The following RNF213 variants were observed in gnomAD, a reference collection of about 807,000 sequenced individuals.
RNF213 encodes ring finger protein 213, also known as E3 ubiquitin-protein ligase RNF213.
In RNF213, 341 loss-of-function variants were observed where a neutral mutation model predicts 514.4. The ratio of observed to expected loss-of-function variants is 0.66; its 90% CI spans 0.61 to 0.73. The LOEUF is 0.73. RNF213 is among the 30% of genes least tolerant of loss of function. RNF213 has a pLI of 0.00. For synonymous variants in RNF213, 2,655 were observed against 2,658.2 expected (o/e 1.00, Z 0.04); for missense variants, 5,767 against 6,615.6 (o/e 0.87, Z 4.45).
At chr17:80,363,941 C>T (rs1304547752) in intron 41 of RNF213, 151 bp downstream of exon 41, 1 of 804,824 alleles carries the variant, frequency 1.2e-6, no homozygotes, top group South Asian at 1.5e-5. Flanking sequence ...TTTGCCGAAC[C>T]CTTAGTGAGT....
At chr17:80,378,252 G>A (rs1257141676) in intron 54 of RNF213, among the ~76,000 whole-genome samples, 1 of 152,200 alleles carries the variant, frequency 6.6e-6, no homozygotes, top group Non-Finnish European at 1.5e-5. Context: ...CTGGACCACA[G>A]GCTGCATTAT....
In RNF213 at chr17:80,276,730, G is replaced by A. The variant is rs116122447; in HGVS notation, c.261+3326G>A. Among the ~76,000 whole-genome samples the A allele has an allele frequency of 4.5e-3, 688 of 152,226 alleles. 8 individuals carry two copies. Among genetic ancestry groups the A allele is most frequent in the African/African-American group, 0.016 (662 of 41,530 alleles). On this transcript the variant is annotated intron_variant, in intron 3 of 67. Coordinates refer to ENST00000582970, the MANE Select transcript of RNF213 (RefSeq NM_001256071.3). ...AAACGCTGCAGCCGTTAAGGAAGCA[G>A]CAAGGCAGTTGATCCAAAAGTTACG...
At chr17:80,328,049 G>A (rs1383995314) in intron 19 of RNF213, 60 bp downstream of exon 19, 50 of 1,519,474 alleles carry the variant, frequency 3.3e-5, no homozygotes, top group Non-Finnish European at 4.4e-5. Context: ...TGGAAGACAC[G>A]TTTGTGTTTG....
chr17:80,319,523 C>T lies in RNF213; in HGVS notation c.3024+211C>T, dbSNP rs775587724. On this transcript the variant is annotated intron_variant, in intron 17 of 67. Transcript: ENST00000582970. ...AGTGTGCTGCACAGTCCCTGCTGCT[C>T]GCACCATCCTGCATGTGTTCCATAT... 3.7e-5 allele frequency: 60 copies of T among 1,612,908 alleles called. 1 individual carries two copies. In the South Asian group the frequency reaches 5.3e-4, roughly 14 times the overall value.
chr17:80,328,472 T>C lies in RNF213; in HGVS notation c.3512T>C (p.Ile1171Thr). Residue 1171 changes from isoleucine (I) to threonine (T), a missense_variant, in exon 20 of 68, where the codon ATA becomes ACA. Ile to Thr is a moderately conservative substitution (Grantham distance 89, BLOSUM62 -1). Transcript: ENST00000582970. ...ATGTGTGGGAACGTGAAACATCTGA[T>C]ACAAGGTGGTATTCCTGAGAAGTGA... is the stretch of plus-strand genomic sequence containing the variant. ...LKMCGNVKHL[I>T]QVDFGVLAVR... 1 of 1,537,266 alleles carries C rather than the reference T, an allele frequency of 6.5e-7. No individual in the cohort carries two copies. The highest frequency in any genetic ancestry group is 8.7e-7 in the Non-Finnish European group (1 of 1,146,902).
chr17:80,261,182 C>G (rs1182691770), intron 1 of RNF213, among the ~76,000 whole-genome samples: 1 of 152,044 alleles, frequency 6.6e-6, no homozygotes, highest in East Asian at 1.9e-4. Flanking sequence ...GCGCAGAGCG[C>G]GGAGGAGGCT....
rs527457046 is a variant in RNF213 at position 80,381,878 on chromosome 17, C to T, written c.13978+151C>T. The T allele has an allele frequency of 1.9e-5, 15 of 802,888 alleles. No individual in the cohort carries two copies. The East Asian group carries it at 3.8e-4, about 20-fold the overall frequency. 49.7% of individuals were successfully genotyped at this position (802,888 alleles called of 1,614,324 possible). A position where few individuals can be genotyped will look rare whatever the true frequency, so the allele number is the denominator to read the frequency against. On this transcript the variant is annotated intron_variant, in intron 57 of 67. Coordinates refer to ENST00000582970, the MANE Select transcript of RNF213 (RefSeq NM_001256071.3). ...AATGAGAGAACACACAGAGAGAAAA[C>T]CGTGTCTAGGGAAGGCGATGCCTGG...
At position 80,386,408 on chromosome 17, in the gene RNF213, A is replaced by G. The variant is rs1380498733; in HGVS notation, c.14698A>G (p.Lys4900Glu). Residue 4900 changes from lysine (K) to glutamate (E), a missense_variant, in exon 62 of 68, where the codon AAA becomes GAA. Physicochemically the swap from Lys to Glu is moderately conservative, Grantham distance 56. Coordinates refer to ENST00000582970, the MANE Select transcript of RNF213 (RefSeq NM_001256071.3). ...LHNEIVYAVE[K>E]LSKENNSYSV... is the part of the protein sequence containing the mutation. ...CAATGAAATTGTCTACGCCGTGGAA[A>G]AACTCTCCAAGGAAAACAACAGGTT... The G allele has an allele frequency of 1.2e-6, 2 of 1,614,142 alleles. No homozygotes were observed. Among genetic ancestry groups the G allele is most frequent in the East Asian group, 2.2e-5 (1 of 44,872 alleles).
chr17:80,393,052 G>A (rs1251089028), intron 67 of RNF213, among the ~76,000 whole-genome samples: 2 of 151,880 alleles, frequency 1.3e-5, no homozygotes, highest in African/African-American at 4.8e-5. Flanking sequence ...ATCTCAGCTC[G>A]CTGTAGCCTC....
chr17:80,348,918 T>C (rs943438115), intron 29 of RNF213, among the ~76,000 whole-genome samples: 1 of 152,096 alleles, frequency 6.6e-6, no homozygotes, highest in Non-Finnish European at 1.5e-5. Flanking sequence ...CTCAGCCCTA[T>C]GGAGCGGGCA....
Position 80,353,201 on chromosome 17 carries a change from C to T in RNF213, c.10423+142C>T. The T allele has an allele frequency of 8.6e-7, 1 of 1,166,810 alleles. No homozygotes were observed. The highest frequency in any genetic ancestry group is 1.3e-5 in the South Asian group (1 of 75,214). 72.3% of individuals were successfully genotyped at this position (1,166,810 alleles called of 1,614,324 possible). A position where few individuals can be genotyped will look rare whatever the true frequency, so the allele number is the denominator to read the frequency against. ...GGAGCTCGGGGACACATCTGCAGAA[C>T]TGACTGGTGGCTCATCATAGAGCAC... On this transcript the variant is annotated intron_variant, in intron 33 of 67. Transcript: ENST00000582970. This position sits in a 1 kb window ranked among gnomAD's most constrained non-coding sequence, Gnocchi z 5.0.
intron 36 of RNF213, among the ~76,000 whole-genome samples, chr17:80,357,008 C>T (rs2078853073): frequency 6.6e-6 from 1 of 151,668 alleles, no homozygotes; most frequent in South Asian, 2.1e-4. Context: ...CAACTTCTGC[C>T]TCCCGGGTTC....
At chr17:80,328,041 G>A (rs942341248) in intron 19 of RNF213, 52 bp downstream of exon 19, 1 of 1,527,698 alleles carries the variant, frequency 6.5e-7, no homozygotes, top group Admixed American at 2.0e-5. Flanking sequence ...TAAGTAGCTG[G>A]AAGACACGTT....
At chr17:80,350,008 C>A in intron 30 of RNF213, 102 bp downstream of exon 30, 1 of 1,271,192 alleles carries the variant, frequency 7.9e-7, no homozygotes, top group Non-Finnish European at 1.1e-6. Flanking sequence ...GCGCCACAGT[C>A]ACGTGACTGT....
chr17:80,275,374 G>C (rs910948203), intron 3 of RNF213, among the ~76,000 whole-genome samples: 5 of 151,946 alleles, frequency 3.3e-5, no homozygotes, highest in Admixed American at 6.6e-5. Flanking sequence ...GGTGTTCCTT[G>C]AAAACATTGA....
In RNF213 at chr17:80,323,530, ATT is replaced by A. The variant is rs534769541; in HGVS notation, c.3025-1490_3025-1489del. 8.4e-4 allele frequency among the ~76,000 whole-genome samples: 125 copies of A among 148,322 alleles called. No homozygotes were observed. The South Asian group carries it at 0.01, about 12-fold the overall frequency. On this transcript the variant is annotated intron_variant, in intron 17 of 67. Coordinates refer to ENST00000582970, the MANE Select transcript of RNF213 (RefSeq NM_001256071.3). ...AGTTGGATTTCTTTCATTCAATTAG[ATT>A]TTTTTTTTTCCCCTGTTAGACAGAG... is the stretch of plus-strand genomic sequence containing the variant.
chr17:80,388,719 G>A (rs769116868), intron 64 of RNF213, 30 bp downstream of exon 64: 11 of 1,493,324 alleles, frequency 7.4e-6, no homozygotes, highest in East Asian at 4.5e-5. Flanking sequence ...TCCTGTGCAC[G>A]GGGCTTTCTG....
intron 3 of RNF213, among the ~76,000 whole-genome samples, chr17:80,281,228 C>A (rs1317089012): frequency 1.8e-5 from 2 of 112,428 alleles, no homozygotes; most frequent in Non-Finnish European, 3.8e-5. Context: ...CCACACACAC[C>A]CCACTCACAC....
rs139891447 is a variant in RNF213 at position 80,308,885 on chromosome 17, G to A, written c.2502-133G>A. 3.1e-4 allele frequency: 335 copies of A among 1,079,582 alleles called. 1 individual carries two copies. The African/African-American group carries it at 3.5e-3, about 11-fold the overall frequency. 66.9% of individuals were successfully genotyped at this position (1,079,582 alleles called of 1,614,324 possible). A position where few individuals can be genotyped will look rare whatever the true frequency, so the allele number is the denominator to read the frequency against. Reference sequence around the variant, plus strand: ...CAGGACTGACTGAGATTTTCCAGACGTTAACCTAGATAAGGTCAAACAAAT... The same window carrying A: ...CAGGACTGACTGAGATTTTCCAGACATTAACCTAGATAAGGTCAAACAAAT... On this transcript the variant is annotated intron_variant, in intron 13 of 67. Coordinates refer to ENST00000582970, the MANE Select transcript of RNF213 (RefSeq NM_001256071.3).
Sources: allele counts gnomAD v4.1 joint callset (sites outside exome capture counted in the v4.1 genomes callset), GRCh38; gene constraint gnomAD v4.1.1; non-coding constraint Gnocchi (gnomAD v3.1); transcripts MANE v1.5; gene names NCBI Gene and HGNC (gene_info 2026-07-23, HGNC 2026-07-21).